Variants in DLG2 observed in about 807,000 individuals in gnomAD.
DLG2 encodes the protein discs large MAGUK scaffold protein 2, also known as disks large homolog 2.
Under a neutral mutation model 132.5 loss-of-function variants are expected in DLG2, and 45 were observed. That is an observed-to-expected ratio of 0.34 (90% CI 0.27 to 0.44). The LOEUF is 0.44. Ranked by LOEUF, DLG2 falls within the 20% of genes least tolerant of loss-of-function variation. The pLI, the probability that DLG2 is intolerant of heterozygous loss-of-function variation, is 1.00. For missense variants in DLG2, 1,045 were observed against 1,196.9 expected (o/e 0.87, Z 1.87); for synonymous variants, 424 against 419.6 (o/e 1.01, Z -0.13).
intron 4 of DLG2, among the ~76,000 whole-genome samples, chr11:85,246,285 A>C (rs1464897201): frequency 1.3e-5 from 2 of 152,010 alleles, no homozygotes; most frequent in Admixed American, 6.6e-5. Context: ...CAAAATGAAT[A>C]TAGAATTCAA....
chr11:83,811,263 C>G lies in DLG2; in HGVS notation c.1722+22351G>C, dbSNP rs73515135. The stretch of plus-strand genomic sequence containing the variant: ...AGAATACTTCTGCTTTGTTTAAGCA[C>G]CCTTTTCAAATCAGTAAACCAATAA... On this transcript the variant is annotated intron_variant, in intron 17 of 27. Transcript: ENST00000376104. Among the ~76,000 whole-genome samples the G allele has an allele frequency of 5.2e-3, 788 of 152,198 alleles. 11 individuals are homozygous for G. The highest frequency in any genetic ancestry group is 0.018 in the African/African-American group (763 of 41,552).
At chr11:83,742,640 AGTAT>A (rs1430767220) in intron 18 of DLG2, among the ~76,000 whole-genome samples, 1 of 152,186 alleles carries the variant, frequency 6.6e-6, no homozygotes, top group Non-Finnish European at 1.5e-5. Flanking sequence ...TAGTTTTAAC[AGTAT>A]GTACTTACTT....
At chr11:83,733,304 C>A (rs561558172) in intron 18 of DLG2, among the ~76,000 whole-genome samples, 36 of 147,388 alleles carry the variant, frequency 2.4e-4, no homozygotes, top group African/African-American at 8.8e-4. Flanking sequence ...CAAATGGCAA[C>A]CCTGGTAAAT....
intron 12 of DLG2, among the ~76,000 whole-genome samples, chr11:83,972,802 A>G (rs2091572820): frequency 1.3e-5 from 2 of 152,170 alleles, no homozygotes; most frequent in African/African-American, 4.8e-5. Flanking sequence ...ATACACATTT[A>G]TTGGATACCC....
chr11:84,058,554 G>C (rs1555305590), intron 11 of DLG2, among the ~76,000 whole-genome samples: 1 of 134,438 alleles, frequency 7.4e-6, no homozygotes, highest in African/African-American at 2.6e-5. Context: ...ACATGCACTA[G>C]TGCATGCCTG....
At chr11:85,021,593 C>G in intron 6 of DLG2, 10 of 1,509,988 alleles carry the variant, frequency 6.6e-6, no homozygotes, top group Non-Finnish European at 9.2e-6. Flanking sequence ...TTGAGATTCC[C>G]AGTGAACACA....
intron 6 of DLG2, among the ~76,000 whole-genome samples, chr11:85,001,872 T>C (rs2058240928): frequency 6.6e-6 from 1 of 152,204 alleles, no homozygotes; most frequent in African/African-American, 2.4e-5. Context: ...GGGAAATCTC[T>C]ATATCTTCTG....
intron 3 of DLG2, among the ~76,000 whole-genome samples, chr11:85,548,210 T>C (rs1302337331): frequency 6.6e-6 from 1 of 152,206 alleles, no homozygotes; most frequent in Non-Finnish European, 1.5e-5. Flanking sequence ...ACTATTCCTT[T>C]CTGTTTGTTA....
At position 85,452,306 on chromosome 11, in the gene DLG2, C is replaced by T. The variant is rs189546130; in HGVS notation, c.40+146351G>A. Reference sequence around the variant, plus strand: ...ACCAAGCCTTAATGGCCACCACTTCCTTTTCCTTGTCCAAAGCAGCCATTT... The same window carrying T: ...ACCAAGCCTTAATGGCCACCACTTCTTTTTCCTTGTCCAAAGCAGCCATTT... On this transcript the variant is annotated intron_variant, in intron 3 of 27. Transcript: ENST00000376104. 3 of 152,456 alleles carry T rather than the reference C, an allele frequency of 2.0e-5. No homozygotes were observed. In the East Asian group the frequency reaches 5.8e-4, roughly 29 times the overall value. 9.4% of individuals were successfully genotyped at this position (152,456 alleles called of 1,614,324 possible). A position where few individuals can be genotyped will look rare whatever the true frequency, so the allele number is the denominator to read the frequency against.
At chr11:84,858,147 C>A (rs535792551) in intron 6 of DLG2, among the ~76,000 whole-genome samples, 1 of 152,072 alleles carries the variant, frequency 6.6e-6, no homozygotes, top group South Asian at 2.1e-4. Flanking sequence ...CCTGCCTCAG[C>A]CTCCTAAAGT....
intron 19 of DLG2, among the ~76,000 whole-genome samples, chr11:83,562,141 C>G (rs1222985450): frequency 6.6e-6 from 1 of 152,028 alleles, no homozygotes; most frequent in Non-Finnish European, 1.5e-5. Context: ...CCTGCCTCAG[C>G]CTCCCAAAGT....
At chr11:84,302,183 C>T (rs1159598345) in intron 7 of DLG2, among the ~76,000 whole-genome samples, 3 of 152,014 alleles carry the variant, frequency 2.0e-5, no homozygotes, top group Admixed American at 6.6e-5. Context: ...GAACATCGCA[C>T]ACTGAGGCCT....
At position 85,500,154 on chromosome 11, in the gene DLG2, T is replaced by C. The variant is rs1396554332; in HGVS notation, c.40+98503A>G. The stretch of plus-strand genomic sequence containing the variant: ...TCAAATAGGAAGAGAGGAAGTCAAA[T>C]TGTCTCCCTTTGCAGATGACATGAT... On this transcript the variant is annotated intron_variant, in intron 3 of 27. Coordinates refer to ENST00000376104, the MANE Select transcript of DLG2 (RefSeq NM_001142699.3). 5.3e-5 allele frequency among the ~76,000 whole-genome samples: 8 copies of C among 152,060 alleles called. No homozygotes were observed. In the South Asian group the frequency reaches 6.2e-4, roughly 12 times the overall value.
rs141117619 is a variant in DLG2 at position 85,148,908 on chromosome 11, C to A, written c.282+5648G>T. On this transcript the variant is annotated intron_variant, in intron 5 of 27. Transcript: ENST00000376104. ...GTTTACATTTAAGTATTTAACCCAT[C>A]TTGAGTTAATTTTTGTATAAAGTAT... 1.1e-3 allele frequency among the ~76,000 whole-genome samples: 169 copies of A among 152,258 alleles called. 1 individual carries two copies. Among genetic ancestry groups the A allele is most frequent in the African/African-American group, 3.9e-3 (163 of 41,552 alleles).
At chr11:85,446,801 G>C (rs1452783489) in intron 3 of DLG2, among the ~76,000 whole-genome samples, 1 of 151,464 alleles carries the variant, frequency 6.6e-6, no homozygotes, top group Non-Finnish European at 1.5e-5. Context: ...ATATGTGTGT[G>C]TGTGTGTGTG....
At chr11:85,061,563 TG>T (rs112333031) in intron 6 of DLG2, among the ~76,000 whole-genome samples, 14 of 151,920 alleles carry the variant, frequency 9.2e-5, no homozygotes, top group African/African-American at 3.4e-4. Flanking sequence ...CTGTAAAAAC[TG>T]AGGAAATTTA....
chr11:85,021,695 C>A (rs987389680), intron 6 of DLG2: 14 of 944,248 alleles, frequency 1.5e-5, no homozygotes, highest in Admixed American at 9.9e-5. Context: ...GAAAATGTGG[C>A]TGAAGATCAA....
At chr11:85,283,021 G>A (rs954214508) in intron 4 of DLG2, among the ~76,000 whole-genome samples, 1 of 151,978 alleles carries the variant, frequency 6.6e-6, no homozygotes, top group Non-Finnish European at 1.5e-5. Context: ...TCACTTATAA[G>A]TGGGAGCCAA....
rs1222486667 is a variant in DLG2, at chr11:84,307,695, C to CAAAAAAAAAAAAAAAAAAAAAAAAAAA, written c.520-56405_520-56404insTTTTTTTTTTTTTTTTTTTTTTTTTTT. 1.9e-3 allele frequency among the ~76,000 whole-genome samples: 151 copies of CAAAAAAAAAAAAAAAAAAAAAAAAAAA among 77,968 alleles called. 3 individuals carry two copies. Among genetic ancestry groups the CAAAAAAAAAAAAAAAAAAAAAAAAAAA allele is most frequent in the Middle Eastern group, 8.1e-3 (1 of 124 alleles). 51.2% of individuals were successfully genotyped at this position (77,968 alleles called of 152,430 possible). A position where few individuals can be genotyped will look rare whatever the true frequency, so the allele number is the denominator to read the frequency against. ...TGGGTGAAAGAGCGAGACGCAGTCT[C>CAAAAAAAAAAAAAAAAAAAAAAAAAAA]AAAAAAAAAAAAAAAAAAAAAGAAG... On this transcript the variant is annotated intron_variant, in intron 7 of 27. Transcript: ENST00000376104.
Sources: allele counts gnomAD v4.1 joint callset (sites outside exome capture counted in the v4.1 genomes callset), GRCh38; gene constraint gnomAD v4.1.1; transcripts MANE v1.5; gene names NCBI Gene and HGNC (gene_info 2026-07-23, HGNC 2026-07-21).